Variants in RERE observed in about 807,000 individuals in gnomAD.
The protein encoded by RERE is arginine-glutamic acid dipeptide repeats protein.
Under a neutral mutation model 146.1 loss-of-function variants are expected in RERE, and 40 were observed. The ratio of observed to expected loss-of-function variants is 0.27; its 90% CI spans 0.21 to 0.36. The LOEUF is 0.36. Among genes scored for constraint, RERE ranks in the 10% least tolerant of loss-of-function variants. The pLI is 1.00. For missense variants in RERE, 1,933 were observed against 2,138.7 expected, an observed-to-expected ratio of 0.90 and a Z score of 1.90; for synonymous variants, 1,003 against 866.0, an observed-to-expected ratio of 1.16 and a Z score of -2.78.
intron 19 of RERE, 59 bp from the exon 20 acceptor site, chr1:8,358,975 C>A: frequency 2.0e-6 from 3 of 1,491,428 alleles, no homozygotes; most frequent in Non-Finnish European, 2.7e-6. Context: ...TCCGCTTGGT[C>A]CACACTGCGG....
At chr1:8,792,520 T>C (rs758361663) in intron 1 of RERE, 3 of 152,234 alleles carry the variant, frequency 2.0e-5, no homozygotes, top group Non-Finnish European at 4.4e-5. Flanking sequence ...ATCTTCTCTG[T>C]AAGTGGATCC....
intron 10 of RERE, among the ~76,000 whole-genome samples, chr1:8,483,313 A>G (rs1279985124): frequency 1.7e-4 from 26 of 152,262 alleles, no homozygotes; most frequent in Admixed American, 1.7e-3. Context: ...TCACATGCTT[A>G]GGGAAAACTT....
At chr1:8,521,210 A>G (rs1007166772) in intron 7 of RERE, among the ~76,000 whole-genome samples, 1 of 150,372 alleles carries the variant, frequency 6.7e-6, no homozygotes, top group Non-Finnish European at 1.5e-5. Flanking sequence ...CAAGATGTAT[A>G]AAGAAAAACA....
intron 11 of RERE, among the ~76,000 whole-genome samples, chr1:8,443,113 A>C (rs765465275): frequency 2.9e-4 from 44 of 152,240 alleles, no homozygotes; most frequent in Non-Finnish European, 5.4e-4. Flanking sequence ...TATACTTAAA[A>C]GGGAAGCAGA....
intron 1 of RERE, among the ~76,000 whole-genome samples, chr1:8,796,969 T>C (rs376013312): frequency 6.6e-6 from 1 of 152,172 alleles, no homozygotes. Context: ...ACTTAGCCAG[T>C]GATAGGACCT....
intron 12 of RERE, among the ~76,000 whole-genome samples, chr1:8,401,738 G>A (rs915723002): frequency 6.7e-6 from 1 of 150,312 alleles, no homozygotes. Context: ...CAGCCTAAAC[G>A]ACATCTAAAC....
rs550716394 is a variant in RERE at position 8,520,994 on chromosome 1, AC to A, written c.831-12320del. On this transcript the variant is annotated intron_variant, in intron 7 of 22. Transcript: ENST00000400908. ...CCCCTCAGGGAAATGTTATAAAAAA[AC>A]ATGACAATTGCCTTATTCCTCCTCG... Among the ~76,000 whole-genome samples the A allele has an allele frequency of 1.2e-4, 18 of 152,152 alleles. No homozygotes were observed. The South Asian group carries it at 2.3e-3, about 19-fold the overall frequency.
chr1:8,386,020 ATATTTTTTTTTTT>A (rs1289878723), intron 12 of RERE, among the ~76,000 whole-genome samples: 46 of 36,686 alleles, frequency 1.3e-3, no homozygotes, highest in African/African-American at 5.0e-3. Flanking sequence ...ATATATATAT[ATATTTTTTTTTTT>A]TTTTTTTTTT....
chr1:8,786,946 G>C (rs142449475), intron 1 of RERE: 2 of 683,410 alleles, frequency 2.9e-6, no homozygotes, highest in African/African-American at 3.6e-5. Context: ...GGTTCCAGCT[G>C]GTAAAGATCG....
chr1:8,556,267 A>G (rs1003047706), intron 6 of RERE, among the ~76,000 whole-genome samples: 36 of 152,274 alleles, frequency 2.4e-4, no homozygotes, highest in Admixed American at 6.5e-4. Context: ...AAAAAAAAAA[A>G]AGAGAGAGAG....
intron 11 of RERE, among the ~76,000 whole-genome samples, chr1:8,454,279 A>G (rs1306155034): frequency 6.6e-6 from 1 of 152,240 alleles, no homozygotes; most frequent in Non-Finnish European, 1.5e-5. Context: ...GTGTGTGTGT[A>G]CGCACACATG....
intron 10 of RERE, among the ~76,000 whole-genome samples, chr1:8,490,287 G>A (rs1233915128): frequency 1.4e-5 from 2 of 146,500 alleles, no homozygotes; most frequent in Non-Finnish European, 3.0e-5. Flanking sequence ...AACCTGGGAG[G>A]AGGAGGTTGC....
intron 4 of RERE, among the ~76,000 whole-genome samples, chr1:8,572,401 G>A (rs1054665712): frequency 2.0e-5 from 3 of 152,168 alleles, no homozygotes; most frequent in African/African-American, 7.2e-5. Flanking sequence ...AGAGTCTGCT[G>A]TGACTCTTCT....
intron 11 of RERE, among the ~76,000 whole-genome samples, chr1:8,450,031 T>C (rs1294531815): frequency 1.3e-5 from 2 of 152,276 alleles, no homozygotes; most frequent in East Asian, 3.9e-4. Context: ...TTAAGTTAAT[T>C]TGCTTATTTG....
chr1:8,596,886 C>T (rs1646561263), intron 4 of RERE, among the ~76,000 whole-genome samples: 1 of 152,068 alleles, frequency 6.6e-6, no homozygotes, highest in Non-Finnish European at 1.5e-5. Context: ...AACAGCGCTG[C>T]CACAAGGTAC....
At chr1:8,782,631 C>T (rs571910626) in intron 1 of RERE, among the ~76,000 whole-genome samples, 1 of 152,262 alleles carries the variant, frequency 6.6e-6, no homozygotes, top group East Asian at 1.9e-4. Context: ...AGAGGCCAGG[C>T]GCGGTGGCTC....
At chr1:8,585,026 G>C (rs941678073) in intron 4 of RERE, among the ~76,000 whole-genome samples, 1 of 151,950 alleles carries the variant, frequency 6.6e-6, no homozygotes, top group East Asian at 1.9e-4. Context: ...GCATATGCCT[G>C]TGGTCCCAGC....
intron 1 of RERE, among the ~76,000 whole-genome samples, chr1:8,746,730 G>C (rs748601906): frequency 6.6e-6 from 1 of 150,998 alleles, no homozygotes; most frequent in African/African-American, 2.4e-5. Context: ...ACAGTTATAA[G>C]AGGACACCTG....
intron 1 of RERE, among the ~76,000 whole-genome samples, chr1:8,772,930 T>C (rs1391487503): frequency 6.6e-6 from 1 of 151,936 alleles, no homozygotes; most frequent in African/African-American, 2.4e-5. Flanking sequence ...CTACTAAAAG[T>C]ACAAAAATTA....
Sources: gnomAD v4.1 joint callset for allele counts (sites outside exome capture counted in the v4.1 genomes callset) on GRCh38, gnomAD v4.1.1 for gene constraint, MANE v1.5 for transcripts, NCBI Gene and HGNC (gene_info 2026-07-23, HGNC 2026-07-21) for gene names.